Variants in ENTREP2 observed in about 807,000 individuals in gnomAD.
The protein encoded by ENTREP2 is endosomal transmembrane epsin interactor 2.
the ENTREP2 span, among the ~76,000 whole-genome samples, chr15:29,385,408 A>G: frequency 6.6e-6 from 1 of 152,198 alleles, no homozygotes; most frequent in Non-Finnish European, 1.5e-5. Context: ...CACTGAAGAC[A>G]ATGTGCATTT....
chr15:29,544,309 G>C, the ENTREP2 span, among the ~76,000 whole-genome samples: 1 of 152,142 alleles, frequency 6.6e-6, no homozygotes, highest in African/African-American at 2.4e-5. Context: ...GATTGATAGA[G>C]ACAGGAGGTA....
chr15:29,180,800 G>T, the ENTREP2 span, among the ~76,000 whole-genome samples: 1 of 151,614 alleles, frequency 6.6e-6, no homozygotes, highest in African/African-American at 2.4e-5. Flanking sequence ...GAAAATTAAA[G>T]AAGTCTCAGA....
the ENTREP2 span, among the ~76,000 whole-genome samples, chr15:29,172,532 C>T: frequency 1.3e-5 from 2 of 151,860 alleles, no homozygotes; most frequent in African/African-American, 2.4e-5. Context: ...TCAGCAGGTG[C>T]CCATTGCTGG....
At chr15:29,418,743 TCCAAGAAGGGAGCTAAACTCTGAAG>T in the ENTREP2 span, among the ~76,000 whole-genome samples, 8 of 152,120 alleles carry the variant, frequency 5.3e-5, no homozygotes, top group African/African-American at 1.4e-4. Context: ...TGAACCTCCC[TCCAAGAAGGGAGCTAAACTCTGAAG>T]CTTCTTTTAT....
chr15:29,456,749 A>G, the ENTREP2 span, among the ~76,000 whole-genome samples: 1 of 152,236 alleles, frequency 6.6e-6, no homozygotes, highest in African/African-American at 2.4e-5. Context: ...CCACAGGTCA[A>G]TCATGGATGG....
At chr15:29,310,056 T>A in the ENTREP2 span, among the ~76,000 whole-genome samples, 1 of 151,792 alleles carries the variant, frequency 6.6e-6, no homozygotes, top group South Asian at 2.1e-4. Context: ...CAGACAAACA[T>A]CTTATGAGTG....
chr15:29,586,836 A>AT, the ENTREP2 span, among the ~76,000 whole-genome samples: 1 of 152,200 alleles, frequency 6.6e-6, no homozygotes, highest in African/African-American at 2.4e-5. Context: ...TAATTTGGCT[A>AT]TTTTTAAAAA....
At chr15:29,195,977 C>T in the ENTREP2 span, among the ~76,000 whole-genome samples, 1 of 152,152 alleles carries the variant, frequency 6.6e-6, no homozygotes, top group Non-Finnish European at 1.5e-5. Flanking sequence ...AACAATTTTT[C>T]CAAATCACTT....
chr15:29,548,522 G>A, the ENTREP2 span, among the ~76,000 whole-genome samples: 1 of 149,704 alleles, frequency 6.7e-6, no homozygotes, highest in South Asian at 2.1e-4. Flanking sequence ...TTTAAAAATT[G>A]AATTAAGCTG....
chr15:29,284,686 C>T, the ENTREP2 span, among the ~76,000 whole-genome samples: 14 of 152,038 alleles, frequency 9.2e-5, no homozygotes, highest in Admixed American at 8.5e-4. Flanking sequence ...ATGAGGAATC[C>T]TCCACCAGGC....
chr15:29,143,382 G>A, the ENTREP2 span, among the ~76,000 whole-genome samples: 1 of 152,222 alleles, frequency 6.6e-6, no homozygotes, highest in African/African-American at 2.4e-5. Context: ...GGAGCAGGGA[G>A]AGGGGCTGGG....
the ENTREP2 span, among the ~76,000 whole-genome samples, chr15:29,490,978 G>T: frequency 4.6e-5 from 7 of 152,310 alleles, no homozygotes; most frequent in African/African-American, 1.7e-4. Flanking sequence ...GGAGCCCACT[G>T]CAGGGGGCAG....
At chr15:29,249,151 T>G in the ENTREP2 span, among the ~76,000 whole-genome samples, 1 of 151,840 alleles carries the variant, frequency 6.6e-6, no homozygotes, top group Admixed American at 6.6e-5. Flanking sequence ...TCTACTACAG[T>G]ATAAAAGTTA....
At chr15:29,120,091 T>A in the ENTREP2 span, among the ~76,000 whole-genome samples, 1 of 152,154 alleles carries the variant, frequency 6.6e-6, no homozygotes, top group Non-Finnish European at 1.5e-5. Context: ...GCCCCGGAGT[T>A]GACCCTCTCC....
At chr15:29,299,943 G>GGGTA in the ENTREP2 span, among the ~76,000 whole-genome samples, 13 of 150,840 alleles carry the variant, frequency 8.6e-5, no homozygotes, top group Admixed American at 8.6e-4. Context: ...GTGGGTGGGT[G>GGGTA]GGTAGATGGA....
the ENTREP2 span, among the ~76,000 whole-genome samples, chr15:29,492,100 G>A: frequency 6.6e-6 from 1 of 151,438 alleles, no homozygotes; most frequent in Non-Finnish European, 1.5e-5. Flanking sequence ...TTTCAGGGCA[G>A]ACAAAGGCAG....
the ENTREP2 span, among the ~76,000 whole-genome samples, chr15:29,436,909 G>A: frequency 1.3e-5 from 2 of 152,120 alleles, no homozygotes; most frequent in Non-Finnish European, 2.9e-5. Context: ...AATTTCAAAC[G>A]GTCATATTTA....
chr15:29,637,906 T>G, the ENTREP2 span, among the ~76,000 whole-genome samples: 1 of 151,616 alleles, frequency 6.6e-6, no homozygotes, highest in Admixed American at 6.6e-5. Context: ...CAGCAAGCTA[T>G]TTCTTCAGCC....
chr15:29,247,105 A>G, the ENTREP2 span, among the ~76,000 whole-genome samples: 12 of 152,092 alleles, frequency 7.9e-5, no homozygotes, highest in African/African-American at 2.9e-4. Flanking sequence ...AGAGAACACT[A>G]GCTAGTCTTA....
Sources: gnomAD v4.1 joint callset for allele counts (sites outside exome capture counted in the v4.1 genomes callset) on GRCh38, gnomAD v4.1.1 for gene constraint, MANE v1.5 for transcripts, NCBI Gene and HGNC (gene_info 2026-07-23, HGNC 2026-07-21) for gene names.